The following PARP9 variants were observed in gnomAD, a reference collection of about 807,000 sequenced individuals.
The protein encoded by PARP9 is poly(ADP-ribose) polymerase family member 9, also known as protein mono-ADP-ribosyltransferase PARP9.
PARP9 carries 48 observed loss-of-function variants against 68.8 expected under a neutral mutation model. The ratio of observed to expected loss-of-function variants is 0.70; its 90% CI spans 0.55 to 0.89. The LOEUF (loss-of-function observed/expected upper bound fraction) is 0.89, where lower values mean the gene tolerates loss of function less well. PARP9 is among the 40% of genes least tolerant of loss of function. The probability of loss-of-function intolerance (pLI) is 0.00; values close to 1 mark genes in which losing one functional copy is unlikely to be tolerated. For missense variants in PARP9, 806 were observed against 969.3 expected (o/e 0.83, Z 2.24); for synonymous variants, 309 against 333.8 (o/e 0.93, Z 0.81).
At position 122,528,435 on chromosome 3, in the gene PARP9, A is replaced by G; in HGVS notation, c.2389T>C (p.Ser797Pro). ...GCAAAGGGTCTCATTGGTCCTGATGAGTAATCTTGTGACTGTACATATTCC... is the reference window on the plus strand; with the variant it reads ...GCAAAGGGTCTCATTGGTCCTGATGGGTAATCTTGTGACTGTACATATTCC... Reference protein sequence around the residue: ...TQEYVQSQDYSSGPMRPFAQH... With the variant: ...TQEYVQSQDYPSGPMRPFAQH... The change falls in exon 11 of 11, where the codon TCA becomes CCA. Residue 797 changes from serine to proline, a missense_variant. Physicochemically the swap from Ser to Pro is moderately conservative, Grantham distance 74. This residue lies in a region of PARP9 where 680 missense variants were observed against 858.8 expected (regional missense o/e 0.79). Coordinates refer to ENST00000682323, the MANE Select transcript of PARP9 (RefSeq NM_001146105.2). The G allele has an allele frequency of 6.2e-7, 1 of 1,614,212 alleles. No homozygotes were observed. The highest frequency in any genetic ancestry group is 8.5e-7 in the Non-Finnish European group (1 of 1,180,018).
chr3:122,549,305 C>T (rs2079006247), intron 6 of PARP9, among the ~76,000 whole-genome samples: 1 of 152,190 alleles, frequency 6.6e-6, no homozygotes, highest in Non-Finnish European at 1.5e-5. Flanking sequence ...CGTGAGCCAC[C>T]TCACCCACCT....
intron 10 of PARP9, chr3:122,532,396 A>C (rs898928596): frequency 1.0e-6 from 1 of 985,170 alleles, no homozygotes; most frequent in Non-Finnish European, 1.2e-6. Flanking sequence ...CCCTCCCCAC[A>C]ATGCCTCTCC....
Position 122,558,445 on chromosome 3 carries a change from T to C in PARP9, c.38A>G (p.Asn13Ser), listed in dbSNP as rs201032752. ...FSMVAGAAAY[N>S]EKSETGALGE... ...CGAGGTAATCCTACCTGATTTTTCA[T>C]TGTAAGCTGCTGCTCCGGCCACCTG... The change falls in exon 3 of 11, where the codon AAT (asparagine) becomes AGT (serine). Residue 13 changes from asparagine (N) to serine (S), a missense_variant. Around this residue, in one of 2 missense-constraint regions of PARP9, gnomAD observed 126 missense variants for 110.5 expected, o/e 1.14. Transcript: ENST00000682323. 141 of 1,613,994 alleles carry C rather than the reference T, an allele frequency of 8.7e-5. No homozygotes were observed. The highest frequency in any genetic ancestry group is 1.1e-4 in the Non-Finnish European group (131 of 1,179,996).
intron 5 of PARP9, 71 bp downstream of exon 5, chr3:122,552,347 G>T: frequency 8.5e-7 from 1 of 1,175,894 alleles, no homozygotes; most frequent in Non-Finnish European, 1.2e-6. Flanking sequence ...TGAAATGATG[G>T]AAATTTGTTT....
chr3:122,559,416 T>A (rs1452176968), intron 2 of PARP9, among the ~76,000 whole-genome samples, 190 bp downstream of exon 2: 2 of 152,250 alleles, frequency 1.3e-5, no homozygotes, highest in Admixed American at 6.5e-5. Context: ...AAGTTGACAC[T>A]ATTTATTAGA....
At chr3:122,534,272 C>A (rs1027823718) in intron 10 of PARP9, 3 of 957,428 alleles carry the variant, frequency 3.1e-6, no homozygotes, top group Non-Finnish European at 2.5e-6. Context: ...AGCCTGGTTG[C>A]AACAGCCTGA....
chr3:122,539,507 A>ATTCCTTTCTTCCTTTC (rs1553714534), intron 8 of PARP9, among the ~76,000 whole-genome samples: 1 of 133,162 alleles, frequency 7.5e-6, no homozygotes, highest in East Asian at 2.2e-4. Context: ...CCAAGATGGC[A>ATTCCTTTCTTCCTTTC]TTTCTTTCTT....
In PARP9 at chr3:122,559,586, T is replaced by C; in HGVS notation, c.15+20A>G. 1.3e-6 allele frequency: 2 copies of C among 1,585,908 alleles called. 1 individual carries two copies. The highest frequency in any genetic ancestry group is 4.5e-5 in the East Asian group (2 of 44,124). On this transcript the variant is annotated intron_variant, in intron 2 of 10. Coordinates refer to ENST00000682323, the MANE Select transcript of PARP9 (RefSeq NM_001146105.2). ...TGTGCTGATCAAGGTTCATGACGTA[T>C]ACACATTTATGCTTTTTACCATGGA...
chr3:122,562,886 A>G (rs900143745), intron 1 of PARP9, among the ~76,000 whole-genome samples: 1 of 152,216 alleles, frequency 6.6e-6, no homozygotes, highest in African/African-American at 2.4e-5. Flanking sequence ...TATTGTAAAC[A>G]AGGCTGTAAA....
At chr3:122,562,331 C>T (rs1237999285) in intron 1 of PARP9, among the ~76,000 whole-genome samples, 2 of 151,486 alleles carry the variant, frequency 1.3e-5, no homozygotes, top group African/African-American at 4.9e-5. Context: ...TACAGGCGCC[C>T]ACCACCACGC....
rs1366932345 is a variant in PARP9, at chr3:122,552,563, G to A, written c.962C>T (p.Ala321Val). 1.1e-5 allele frequency: 18 copies of A among 1,613,906 alleles called. No individual in the cohort carries two copies. Among genetic ancestry groups the A allele is most frequent in the Non-Finnish European group, 1.5e-5 (18 of 1,179,990 alleles). The change falls in exon 5 of 11, where the codon GCA becomes GTA. Residue 321 changes from alanine (A) to valine (V), a missense_variant. Transcript: ENST00000682323. The part of the protein sequence containing the change: ...GPVAKSILQQ[A>V]GVEMKSEFLA... ...AAATTCCGATTTCATTTCAACTCCT[G>A]CTTGTTGTAGAATTGACTTTGCCAC...
At chr3:122,561,829 G>A (rs1443927296) in intron 1 of PARP9, among the ~76,000 whole-genome samples, 1 of 152,116 alleles carries the variant, frequency 6.6e-6, no homozygotes, top group African/African-American at 2.4e-5. Flanking sequence ...TGGCTCTCCT[G>A]AGCCCCATTT....
rs770200664 is a variant in PARP9, at chr3:122,555,916, T to C, written c.255A>G (p.Leu85=). Residue 85 remains leucine, a synonymous_variant, in exon 4 of 11, where the codon TTA becomes TTG. Coordinates refer to ENST00000682323, the MANE Select transcript of PARP9 (RefSeq NM_001146105.2). ...FRKMLTPRIE[L]SVWKDDLTTH... is the part of the protein sequence containing the mutation. The stretch of plus-strand genomic sequence containing the variant: ...TGGTGAGGTCATCTTTCCAGACTGA[T>C]AACTCTATCCTAGGAGTCAGCATTT... The C allele has an allele frequency of 1.2e-6, 2 of 1,614,066 alleles. No individual in the cohort carries two copies. The highest frequency in any genetic ancestry group is 1.1e-5 in the South Asian group (1 of 91,080).
chr3:122,562,012 T>C (rs2080248465), intron 1 of PARP9, among the ~76,000 whole-genome samples: 1 of 151,952 alleles, frequency 6.6e-6, no homozygotes. Flanking sequence ...ATCAGAAATC[T>C]AGGAACTTTC....
chr3:122,534,362 A>C, intron 10 of PARP9: 1 of 985,422 alleles, frequency 1.0e-6, no homozygotes. Flanking sequence ...ACAATATATA[A>C]GGAAGATTTT....
At chr3:122,559,553 A>T in intron 2 of PARP9, 53 bp downstream of exon 2, 1 of 1,519,530 alleles carries the variant, frequency 6.6e-7, no homozygotes, top group Non-Finnish European at 8.9e-7. Flanking sequence ...TATATAAAGA[A>T]GTATTCATGT....
chr3:122,550,535 G>C, intron 6 of PARP9, 49 bp downstream of exon 6: 1 of 1,403,572 alleles, frequency 7.1e-7, no homozygotes, highest in Non-Finnish European at 1.0e-6. Context: ...GTTGCTGAAT[G>C]AATGAATGAA....
intron 6 of PARP9, among the ~76,000 whole-genome samples, chr3:122,548,389 T>C (rs915971137): frequency 1.3e-5 from 2 of 152,178 alleles, no homozygotes; most frequent in South Asian, 4.1e-4. Flanking sequence ...GCCCTCTATA[T>C]CCAAAATCCA....
At chr3:122,529,670 C>A (rs2077167245) in intron 10 of PARP9, among the ~76,000 whole-genome samples, 1 of 150,616 alleles carries the variant, frequency 6.6e-6, no homozygotes, top group Non-Finnish European at 1.5e-5. Flanking sequence ...AGGAGAATGG[C>A]ATGAACCCGG....
Sources: gnomAD v4.1 joint callset for allele counts (sites outside exome capture counted in the v4.1 genomes callset) on GRCh38, gnomAD v4.1.1 for gene constraint, gnomAD v4.1.1 regional missense constraint, MANE v1.5 for transcripts, NCBI Gene and HGNC (gene_info 2026-07-23, HGNC 2026-07-21) for gene names.